TMEM61: variants seen among roughly 807,000 people sequenced by gnomAD.
TMEM61 encodes transmembrane protein 61.
Under a neutral mutation model 12.0 loss-of-function variants are expected in TMEM61, and 13 were observed. The ratio of observed to expected loss-of-function variants is 1.08; its 90% CI spans 0.70 to 1.72. TMEM61 has a LOEUF of 1.72. Among genes scored for constraint, TMEM61 ranks in the 40% most tolerant of loss-of-function variants. TMEM61 has a pLI of 0.00. For missense variants in TMEM61, 249 were observed against 276.9 expected, an observed-to-expected ratio of 0.90 and a Z score of 0.71; for synonymous variants, 109 against 121.4, an observed-to-expected ratio of 0.90 and a Z score of 0.67.
chr1:54,984,032 A>G (rs995473602), intron 1 of TMEM61, among the ~76,000 whole-genome samples: 1 of 152,060 alleles, frequency 6.6e-6, no homozygotes, highest in Non-Finnish European at 1.5e-5. Context: ...ACATGTGTAC[A>G]TTCTCTCTCT....
In TMEM61 at chr1:54,980,785, G is replaced by A. The variant is rs1308974681; in HGVS notation, c.-281G>A. ...GCGCGCAGCCCTCGGGGCGGGCGCC[G>A]GGGTGAGGCCTGGCTCGGTCCCTGC... On this transcript the variant is annotated 5_prime_UTR_variant, in exon 1 of 3. Transcript: ENST00000371268. The A allele has an allele frequency of 2.0e-5, 7 of 351,980 alleles. No homozygotes were observed. Among genetic ancestry groups the A allele is most frequent in the Non-Finnish European group, 3.6e-5 (7 of 196,418 alleles). The allele number at this position is 351,980 out of a possible 1,614,324, so 21.8% of individuals were successfully genotyped here.
At chr1:54,981,218 T>C in intron 1 of TMEM61, 138 bp downstream of exon 1, 1 of 957,292 alleles carries the variant, frequency 1.0e-6, no homozygotes, top group Non-Finnish European at 1.5e-6. Context: ...GCCTGGGTTT[T>C]ATCTTGCTGG....
Position 54,981,022 on chromosome 1 carries a change from C to G in TMEM61, c.-44C>G. 6.5e-7 allele frequency: 1 copy of G among 1,545,746 alleles called. No individual in the cohort carries two copies. The highest frequency in any genetic ancestry group is 8.7e-7 in the Non-Finnish European group (1 of 1,143,918). ...TCCACCACCACACCTTCACCTGCGC[C>G]CGGCTCCCTGCGCGCCTGGACAGCG... On this transcript the variant is annotated 5_prime_UTR_variant, in exon 1 of 3. Transcript: ENST00000371268.
At chr1:54,981,195 C>A (rs1336967271) in intron 1 of TMEM61, 115 bp downstream of exon 1, 1 of 1,219,276 alleles carries the variant, frequency 8.2e-7, no homozygotes. Context: ...GCAGTGTGGA[C>A]ACCCGGGGCT....
intron 1 of TMEM61, among the ~76,000 whole-genome samples, chr1:54,983,738 A>G (rs955618885): frequency 2.0e-5 from 3 of 151,884 alleles, no homozygotes; most frequent in Non-Finnish European, 2.9e-5. Context: ...ACTGTTCTTG[A>G]TTTGCTTGTG....
chr1:54,991,733 A>G (rs1644299487), intron 2 of TMEM61, 103 bp from the exon 3 acceptor site: 1 of 1,348,896 alleles, frequency 7.4e-7, no homozygotes, highest in Non-Finnish European at 1.0e-6. Context: ...GGCTTGGAGC[A>G]GGGTGTGAAG....
chr1:54,988,691 G>A (rs370181152), intron 2 of TMEM61, among the ~76,000 whole-genome samples: 7 of 152,234 alleles, frequency 4.6e-5, no homozygotes, highest in Non-Finnish European at 7.3e-5. Flanking sequence ...CGGTTTCCCC[G>A]TTTATTCATC....
intron 1 of TMEM61, among the ~76,000 whole-genome samples, chr1:54,982,371 G>A (rs1324615937): frequency 6.6e-6 from 1 of 152,166 alleles, no homozygotes; most frequent in Non-Finnish European, 1.5e-5. Context: ...AGGAGTTTGG[G>A]TGAGAACAGC....
In TMEM61 at chr1:54,981,093, G is replaced by A. The variant is rs760958120; in HGVS notation, c.15+13G>A. ...GGCCCTGCCCCAGGTGGGTGGAAAC[G>A]GCCTTCTCCCTCCTTTACGGGCACT... On this transcript the variant is annotated intron_variant, in intron 1 of 2. Coordinates refer to ENST00000371268, the MANE Select transcript of TMEM61 (RefSeq NM_182532.3). The A allele has an allele frequency of 5.0e-6, 8 of 1,587,164 alleles. No individual in the cohort carries two copies. Among genetic ancestry groups the A allele is most frequent in the Non-Finnish European group, 6.0e-6 (7 of 1,166,156 alleles).
intron 1 of TMEM61, among the ~76,000 whole-genome samples, chr1:54,983,176 C>T (rs1226720682): frequency 2.2e-5 from 3 of 133,726 alleles, no homozygotes; most frequent in African/African-American, 8.2e-5. Context: ...TGCAGTGACG[C>T]AATCTCGGCT....
rs41302772 is a variant in TMEM61, at chr1:54,992,028, C to T, written c.558C>T (p.Ala186=). 353 of 1,613,576 alleles carry T rather than the reference C, an allele frequency of 2.2e-4. 1 individual carries two copies. The highest frequency in any genetic ancestry group is 2.9e-4 in the Non-Finnish European group (339 of 1,179,978). Residue 186 remains alanine (A), a synonymous_variant, in exon 3 of 3, where the codon GCC becomes GCT. Transcript: ENST00000371268. ...AGAGCATCAGCCTTGCTCTTGATGC[C>T]GTTTCTGCGGAGACGACACCGAGTG... ...SYESISLALD[A]VSAETTPSAT...
chr1:54,989,750 G>T (rs1415082742), intron 2 of TMEM61, among the ~76,000 whole-genome samples: 1 of 152,196 alleles, frequency 6.6e-6, no homozygotes, highest in African/African-American at 2.4e-5. Context: ...CCTGCTGTGG[G>T]CAGAACTCAC....
intron 2 of TMEM61, among the ~76,000 whole-genome samples, chr1:54,987,711 A>T (rs1050498888): frequency 1.3e-5 from 2 of 152,160 alleles, no homozygotes; most frequent in Non-Finnish European, 2.9e-5. Context: ...TCTGCAGAAA[A>T]GGAAGGAGAG....
chr1:54,984,013 G>A (rs890727536), intron 1 of TMEM61, among the ~76,000 whole-genome samples: 7 of 152,066 alleles, frequency 4.6e-5, no homozygotes, highest in East Asian at 3.9e-4. Flanking sequence ...CTCCCAGAGC[G>A]CCCCTTTTAC....
At chr1:54,987,892 T>G (rs1195015116) in intron 2 of TMEM61, among the ~76,000 whole-genome samples, 2 of 152,206 alleles carry the variant, frequency 1.3e-5, no homozygotes, top group Non-Finnish European at 2.9e-5. Flanking sequence ...GGAAAATGTT[T>G]TCCGAGTCGA....
intron 1 of TMEM61, among the ~76,000 whole-genome samples, chr1:54,985,054 C>G (rs1159785847): frequency 6.6e-6 from 1 of 152,098 alleles, no homozygotes; most frequent in Non-Finnish European, 1.5e-5. Flanking sequence ...GTTTCCTCCT[C>G]TTGTTAAACC....
At chr1:54,987,528 A>G (rs867274800) in intron 2 of TMEM61, among the ~76,000 whole-genome samples, 5 of 152,166 alleles carry the variant, frequency 3.3e-5, no homozygotes, top group Admixed American at 2.0e-4. Context: ...ACATAAAAAG[A>G]GTATTACCCT....
At chr1:54,991,592 G>C (rs529498938) in intron 2 of TMEM61, among the ~76,000 whole-genome samples, 1 of 152,352 alleles carries the variant, frequency 6.6e-6, no homozygotes, top group South Asian at 2.1e-4. Context: ...GGAGGCACCA[G>C]GAGGTGCTGG....
In TMEM61 at chr1:54,986,209, CA is replaced by C; in HGVS notation, c.130del (p.Thr44ProfsTer93). ...TTCGCTTGGTGGAGCGAAGGGGATG[CA>C]ACCGCCCAGCCTGGCCAGCTGGCCC... ...LCFAWWSEGD[A>X]TAQPGQLAPP... is the part of the protein sequence containing the mutation. On this transcript the variant is annotated frameshift_variant, in exon 2 of 3. Transcript: ENST00000371268. LOFTEE classifies it high-confidence loss of function. The C allele has an allele frequency of 6.2e-7, 1 of 1,613,794 alleles. No homozygotes were observed. The highest frequency in any genetic ancestry group is 8.5e-7 in the Non-Finnish European group (1 of 1,179,986).
Sources: allele counts gnomAD v4.1 joint callset (sites outside exome capture counted in the v4.1 genomes callset), GRCh38; gene constraint gnomAD v4.1.1; transcripts MANE v1.5; gene names NCBI Gene and HGNC (gene_info 2026-07-23, HGNC 2026-07-21).